Variants in SORL1 observed in about 807,000 individuals in gnomAD.
SORL1 encodes sortilin-related receptor.
A neutral mutation model predicts 273.7 loss-of-function variants in SORL1; 127 were observed. The ratio of observed to expected loss-of-function variants is 0.46; its 90% CI spans 0.40 to 0.54. The LOEUF (loss-of-function observed/expected upper bound fraction) is 0.54. Ranked by LOEUF, SORL1 falls within the 20% of genes least tolerant of loss-of-function variation. The probability of loss-of-function intolerance (pLI) is 0.00; values close to 1 mark genes in which losing one functional copy is unlikely to be tolerated. For synonymous variants in SORL1, 1,031 were observed against 1,067.4 expected (o/e 0.97, Z 0.66); for missense variants, 2,494 against 2,846.1 (o/e 0.88, Z 2.81).
At chr11:121,524,685 C>T (rs928933068) in intron 11 of SORL1, among the ~76,000 whole-genome samples, 1 of 152,188 alleles carries the variant, frequency 6.6e-6, no homozygotes, top group Non-Finnish European at 1.5e-5. Context: ...TGCAAATTCT[C>T]TGATCCTCAG....
intron 1 of SORL1, among the ~76,000 whole-genome samples, chr11:121,462,872 T>A (rs1861023415): frequency 6.6e-6 from 1 of 152,198 alleles, no homozygotes; most frequent in Non-Finnish European, 1.5e-5. Context: ...GATGTGAGTC[T>A]GCCATTTTAC....
At chr11:121,566,185 G>A (rs1255400154) in intron 21 of SORL1, among the ~76,000 whole-genome samples, 4 of 152,070 alleles carry the variant, frequency 2.6e-5, no homozygotes, top group African/African-American at 9.7e-5. Flanking sequence ...GAAAGTCTAG[G>A]AGAGCCTCAT....
chr11:121,520,333 G>A (rs1862020927), intron 8 of SORL1, among the ~76,000 whole-genome samples: 1 of 152,208 alleles, frequency 6.6e-6, no homozygotes, highest in African/African-American at 2.4e-5. Context: ...CTAAGTGAAA[G>A]TAACCAGATA....
At chr11:121,586,919 TG>T (rs1434735121) in intron 27 of SORL1, among the ~76,000 whole-genome samples, 2 of 152,138 alleles carry the variant, frequency 1.3e-5, no homozygotes, top group African/African-American at 4.8e-5. Flanking sequence ...ATGGTGCTCC[TG>T]GTGATTCTAC....
chr11:121,509,760 C>T (rs1351947166), intron 6 of SORL1, among the ~76,000 whole-genome samples: 1 of 152,142 alleles, frequency 6.6e-6, no homozygotes, highest in East Asian at 1.9e-4. Flanking sequence ...CAGGTATGAG[C>T]CACTGCACCC....
At chr11:121,617,949 G>A (rs531927639) in intron 41 of SORL1, among the ~76,000 whole-genome samples, 27 of 152,286 alleles carry the variant, frequency 1.8e-4, no homozygotes, top group African/African-American at 6.5e-4. Context: ...GTGGCAGCAC[G>A]ATTTGATTGG....
At chr11:121,502,633 G>T (rs1861728585) in intron 6 of SORL1, among the ~76,000 whole-genome samples, 1 of 152,110 alleles carries the variant, frequency 6.6e-6, no homozygotes. Flanking sequence ...AATTCCTGAT[G>T]GCTAAGGATG....
At chr11:121,573,046 C>T (rs1173321540) in intron 23 of SORL1, among the ~76,000 whole-genome samples, 3 of 152,178 alleles carry the variant, frequency 2.0e-5, no homozygotes, top group African/African-American at 7.2e-5. Flanking sequence ...CTCGCCTTTC[C>T]TGGAGGGTGT....
At chr11:121,612,406 C>A in intron 39 of SORL1, 1 of 209,148 alleles carries the variant, frequency 4.8e-6, no homozygotes, top group Non-Finnish European at 9.8e-6. Flanking sequence ...CCTTAATTTC[C>A]ATGGCCTAAT....
chr11:121,565,348 C>T (rs765867726), intron 21 of SORL1, among the ~76,000 whole-genome samples: 8 of 152,174 alleles, frequency 5.3e-5, no homozygotes, highest in East Asian at 1.9e-4. Flanking sequence ...ATCATAATAA[C>T]GTTGTTGCCA....
At chr11:121,540,631 G>T (rs1862334511) in intron 12 of SORL1, among the ~76,000 whole-genome samples, 1 of 151,928 alleles carries the variant, frequency 6.6e-6, no homozygotes, top group Admixed American at 6.6e-5. Context: ...AGTCCAAAAT[G>T]CGTGTTCTCT....
chr11:121,540,228 A>G (rs1265976310), intron 12 of SORL1, among the ~76,000 whole-genome samples: 3 of 152,112 alleles, frequency 2.0e-5, no homozygotes, highest in Non-Finnish European at 4.4e-5. Context: ...CTTTTAGAGT[A>G]TCTGTGGTTA....
intron 3 of SORL1, among the ~76,000 whole-genome samples, chr11:121,480,639 G>T (rs1473872736): frequency 1.4e-5 from 2 of 146,718 alleles, no homozygotes; most frequent in Admixed American, 6.8e-5. Flanking sequence ...ATACCTATAG[G>T]CAGGCTTCAT....
At chr11:121,534,576 C>T (rs1420204207) in intron 12 of SORL1, among the ~76,000 whole-genome samples, 1 of 152,222 alleles carries the variant, frequency 6.6e-6, no homozygotes, top group Non-Finnish European at 1.5e-5. Context: ...TACAAGCCTC[C>T]TATTGACAGG....
chr11:121,528,370 G>A (rs2134866572), intron 11 of SORL1, among the ~76,000 whole-genome samples: 1 of 152,234 alleles, frequency 6.6e-6, no homozygotes, highest in South Asian at 2.1e-4. Flanking sequence ...GAGGTGGGAG[G>A]CTCACTTGAG....
intron 33 of SORL1, among the ~76,000 whole-genome samples, chr11:121,604,712 A>C (rs550341256): frequency 6.6e-6 from 1 of 152,294 alleles, no homozygotes; most frequent in African/African-American, 2.4e-5. Flanking sequence ...ATGGAGAAAT[A>C]GGCTTAAATT....
At chr11:121,528,107 A>G (rs1333997536) in intron 11 of SORL1, among the ~76,000 whole-genome samples, 1 of 152,082 alleles carries the variant, frequency 6.6e-6, no homozygotes, top group African/African-American at 2.4e-5. Context: ...TAATTTAGCT[A>G]TATGCCACAT....
chr11:121,576,817 T>A (rs1201014797), intron 24 of SORL1: 2 of 1,530,408 alleles, frequency 1.3e-6, no homozygotes, highest in Non-Finnish European at 1.7e-6. Context: ...GATTTTACTC[T>A]CTCTGACTGA....
chr11:121,503,776 G>T (rs761465180), intron 6 of SORL1, among the ~76,000 whole-genome samples: 2 of 152,136 alleles, frequency 1.3e-5, no homozygotes, highest in Non-Finnish European at 2.9e-5. Context: ...ACACTGTCTT[G>T]ATTACTGTAG....
Sources: allele counts gnomAD v4.1 joint callset (sites outside exome capture counted in the v4.1 genomes callset), GRCh38; gene constraint gnomAD v4.1.1; transcripts MANE v1.5; gene names NCBI Gene and HGNC (gene_info 2026-07-23, HGNC 2026-07-21).